Variants in PID1 observed in about 807,000 individuals in gnomAD.
The protein encoded by PID1 is PTB-containing, cubilin and LRP1-interacting protein.
In PID1, 10 loss-of-function variants were observed where a neutral mutation model predicts 19.1. That is an observed-to-expected ratio of 0.52 (90% CI 0.32 to 0.89). PID1 has a LOEUF of 0.89. PID1 is among the 40% of genes least tolerant of loss of function. The pLI is 0.03. For synonymous variants in PID1, 130 were observed against 116.0 expected (o/e 1.12, Z -0.78); for missense variants, 248 against 285.3 (o/e 0.87, Z 0.94).
intron 1 of PID1, among the ~76,000 whole-genome samples, chr2:229,251,866 C>T (rs927759249): frequency 6.9e-6 from 1 of 145,888 alleles, no homozygotes; most frequent in Non-Finnish European, 1.5e-5. Context: ...TAAGTCCATT[C>T]GTTCTCTTCA....
At chr2:229,081,414 A>C (rs1489895570) in intron 2 of PID1, among the ~76,000 whole-genome samples, 2 of 152,322 alleles carry the variant, frequency 1.3e-5, no homozygotes, top group East Asian at 3.9e-4. Context: ...AATGTGACTC[A>C]AGAGAAAAAT....
intron 2 of PID1, among the ~76,000 whole-genome samples, chr2:229,030,943 T>C (rs187319953): frequency 2.1e-4 from 32 of 151,966 alleles, no homozygotes; most frequent in Non-Finnish European, 3.4e-4. Context: ...AATGGCCGGG[T>C]GCAGTGGCTC....
At chr2:229,268,791 G>A (rs947604287) in intron 1 of PID1, among the ~76,000 whole-genome samples, 57 of 151,878 alleles carry the variant, frequency 3.8e-4, no homozygotes, top group Admixed American at 1.3e-4. Flanking sequence ...CTGAGGAATC[G>A]GACAGGCATG....
intron 1 of PID1, among the ~76,000 whole-genome samples, chr2:229,229,393 C>A (rs963120651): frequency 1.3e-4 from 20 of 152,094 alleles, no homozygotes; most frequent in Admixed American, 7.9e-4. Context: ...CATTGCCCCC[C>A]AAAAATAAAA....
At chr2:229,045,883 G>T (rs1023931776) in intron 2 of PID1, among the ~76,000 whole-genome samples, 1 of 152,146 alleles carries the variant, frequency 6.6e-6, no homozygotes, top group Non-Finnish European at 1.5e-5. Flanking sequence ...CCCTTGCCTG[G>T]TCACTTAACA....
chr2:229,266,132 T>C (rs899998609), intron 1 of PID1, among the ~76,000 whole-genome samples: 2 of 152,224 alleles, frequency 1.3e-5, no homozygotes, highest in Admixed American at 6.5e-5. Context: ...GTTTTGTGCT[T>C]ACTCAACTAC....
intron 1 of PID1, among the ~76,000 whole-genome samples, chr2:229,223,132 C>T (rs1692009154): frequency 6.6e-6 from 1 of 152,078 alleles, no homozygotes; most frequent in Non-Finnish European, 1.5e-5. Flanking sequence ...TTTTATGATT[C>T]CTTAAAATTG....
intron 2 of PID1, among the ~76,000 whole-genome samples, chr2:229,074,432 C>T (rs995050206): frequency 8.5e-5 from 13 of 152,062 alleles, no homozygotes; most frequent in Admixed American, 7.9e-4. Context: ...GAAGGGAGAA[C>T]AAGTCAACTA....
intron 1 of PID1, among the ~76,000 whole-genome samples, chr2:229,214,657 A>C (rs1458660437): frequency 6.6e-6 from 1 of 152,216 alleles, no homozygotes; most frequent in Non-Finnish European, 1.5e-5. Context: ...GTGATATAGA[A>C]GAACATATAA....
At chr2:229,091,557 C>A (rs1354477912) in intron 2 of PID1, among the ~76,000 whole-genome samples, 1 of 152,026 alleles carries the variant, frequency 6.6e-6, no homozygotes, top group Non-Finnish European at 1.5e-5. Flanking sequence ...GAATTAGTGC[C>A]CTTCTAAAAG....
chr2:229,069,060 T>C (rs767922476), intron 2 of PID1, among the ~76,000 whole-genome samples: 1 of 151,936 alleles, frequency 6.6e-6, no homozygotes, highest in Non-Finnish European at 1.5e-5. Flanking sequence ...ACCTCCAGTT[T>C]GGAAAAGAGT....
At chr2:229,206,306 A>ATTTT (rs139888173) in intron 1 of PID1, among the ~76,000 whole-genome samples, 3 of 151,344 alleles carry the variant, frequency 2.0e-5, no homozygotes, top group African/African-American at 7.3e-5. Flanking sequence ...CTAATGGTTA[A>ATTTT]TTTTTATTTT....
chr2:229,092,947 A>G (rs144628436), intron 2 of PID1, among the ~76,000 whole-genome samples: 31 of 152,112 alleles, frequency 2.0e-4, no homozygotes, highest in Non-Finnish European at 4.3e-4. Flanking sequence ...TCATGCTCCA[A>G]TCCCAGCAAT....
intron 1 of PID1, among the ~76,000 whole-genome samples, chr2:229,164,846 G>T (rs1323417126): frequency 6.6e-6 from 1 of 152,256 alleles, no homozygotes; most frequent in Admixed American, 6.5e-5. Context: ...ATGAAAGCCT[G>T]GGGGGACAAA....
At chr2:229,090,861 A>G (rs963740291) in intron 2 of PID1, among the ~76,000 whole-genome samples, 3 of 152,192 alleles carry the variant, frequency 2.0e-5, no homozygotes, top group African/African-American at 7.2e-5. Flanking sequence ...AAAAGCTCTA[A>G]CCTTTTATGA....
At chr2:229,058,620 C>T (rs1694150496) in intron 2 of PID1, among the ~76,000 whole-genome samples, 1 of 151,618 alleles carries the variant, frequency 6.6e-6, no homozygotes, top group African/African-American at 2.4e-5. Flanking sequence ...CATTTTTATT[C>T]AACCTCAGCG....
At chr2:229,268,972 G>C (rs933466572) in intron 1 of PID1, among the ~76,000 whole-genome samples, 1 of 150,890 alleles carries the variant, frequency 6.6e-6, no homozygotes. Flanking sequence ...TAAATTATGT[G>C]TTTTCAAGGA....
chr2:229,057,767 T>G (rs995527461), intron 2 of PID1, among the ~76,000 whole-genome samples: 2 of 152,192 alleles, frequency 1.3e-5, no homozygotes, highest in African/African-American at 4.8e-5. Context: ...CAGGGAGATG[T>G]TGACAAGGCA....
chr2:229,096,867 G>A (rs6722007), intron 2 of PID1, among the ~76,000 whole-genome samples: 93,988 of 151,992 alleles, frequency 0.62, 31,804 homozygotes, highest in Non-Finnish European at 0.76. Context: ...TCAAGACAAG[G>A]GCTCTGCTTA....
Sources: allele counts gnomAD v4.1 joint callset (sites outside exome capture counted in the v4.1 genomes callset), GRCh38; gene constraint gnomAD v4.1.1; transcripts MANE v1.5; gene names NCBI Gene and HGNC (gene_info 2026-07-23, HGNC 2026-07-21).